BLTP1: variants seen among roughly 807,000 people sequenced by gnomAD.
BLTP1 encodes the protein fragile site-associated protein.
the BLTP1 span, chr4:122,251,170 G>A: frequency 1.1e-6 from 1 of 930,304 alleles, no homozygotes; most frequent in African/African-American, 1.8e-5. Context: ...CCTGTAATAG[G>A]AGTATGGTCA....
chr4:122,315,858 G>T, the BLTP1 span, among the ~76,000 whole-genome samples: 1 of 152,130 alleles, frequency 6.6e-6, no homozygotes, highest in Admixed American at 6.6e-5. Flanking sequence ...ATCGAGTTCT[G>T]TGCTACATGT....
the BLTP1 span, chr4:122,208,572 A>T: frequency 1.8e-5 from 17 of 961,024 alleles, no homozygotes; most frequent in Non-Finnish European, 2.1e-5. Flanking sequence ...GAGCTTATAA[A>T]AGTTTTTTTA....
At chr4:122,209,981 A>C in the BLTP1 span, 24 of 1,570,092 alleles carry the variant, frequency 1.5e-5, no homozygotes, top group Non-Finnish European at 1.9e-5. Flanking sequence ...ATTGATAATC[A>C]TGAAAAATAA....
the BLTP1 span, chr4:122,281,764 T>C: frequency 6.5e-7 from 1 of 1,545,788 alleles, no homozygotes; most frequent in Non-Finnish European, 8.7e-7. Context: ...TGAGAAGTCA[T>C]GGAATGACAG....
chr4:122,233,607 C>T, the BLTP1 span, among the ~76,000 whole-genome samples: 2 of 152,062 alleles, frequency 1.3e-5, no homozygotes, highest in Admixed American at 6.5e-5. Flanking sequence ...GGATAACATC[C>T]GACCAGTGCA....
the BLTP1 span, among the ~76,000 whole-genome samples, chr4:122,322,021 T>C: frequency 7.1e-6 from 1 of 141,420 alleles, no homozygotes; most frequent in South Asian, 2.4e-4. Flanking sequence ...TTTTTGGCAT[T>C]TATCCTGCTT....
At chr4:122,244,948 G>T in the BLTP1 span, 427 of 1,539,146 alleles carry the variant, frequency 2.8e-4, 5 homozygotes, top group South Asian at 4.6e-3. Flanking sequence ...TACGTTTCAT[G>T]ATATGTTTAC....
At chr4:122,168,357 T>C in the BLTP1 span, among the ~76,000 whole-genome samples, 1 of 152,340 alleles carries the variant, frequency 6.6e-6, no homozygotes, top group African/African-American at 2.4e-5. Flanking sequence ...GAAACAGATT[T>C]CCTTTTTATG....
the BLTP1 span, chr4:122,277,112 G>A: frequency 3.1e-6 from 3 of 975,968 alleles, no homozygotes; most frequent in East Asian, 1.1e-4. Flanking sequence ...CAAGGTGGGA[G>A]GATTGCTTGA....
chr4:122,295,509 G>T, the BLTP1 span, among the ~76,000 whole-genome samples: 2 of 152,034 alleles, frequency 1.3e-5, no homozygotes, highest in Non-Finnish European at 2.9e-5. Flanking sequence ...CATCTGGCCA[G>T]ATGTACAAAG....
chr4:122,274,413 T>G, the BLTP1 span: 3 of 1,606,038 alleles, frequency 1.9e-6, no homozygotes, highest in South Asian at 3.4e-5. Flanking sequence ...TTGTGCTGCT[T>G]GAAGGGATTA....
the BLTP1 span, chr4:122,277,540 C>A: frequency 1.1e-6 from 1 of 947,448 alleles, no homozygotes; most frequent in Non-Finnish European, 1.3e-6. Context: ...AGGAACTGTT[C>A]TAGGCATTGG....
chr4:122,216,790 TG>T, the BLTP1 span, among the ~76,000 whole-genome samples: 24 of 152,328 alleles, frequency 1.6e-4, no homozygotes, highest in South Asian at 6.2e-4. Context: ...TATTTGTTTT[TG>T]TTTTCGTTGC....
chr4:122,300,044 C>A, the BLTP1 span: 1 of 656,026 alleles, frequency 1.5e-6, no homozygotes, highest in Non-Finnish European at 1.9e-6. Flanking sequence ...CAGTCTCTGT[C>A]ATCCAGGCTG....
the BLTP1 span, chr4:122,307,537 TC>T: frequency 4.6e-5 from 45 of 985,112 alleles, no homozygotes; most frequent in Non-Finnish European, 5.2e-5. Context: ...TCTCTGTAAA[TC>T]AGATCCTTTT....
chr4:122,237,611 A>G, the BLTP1 span: 1 of 722,302 alleles, frequency 1.4e-6, no homozygotes, highest in East Asian at 1.3e-4. Flanking sequence ...AAAGATTTAA[A>G]AAGAAGAAAA....
chr4:122,264,956 G>T, the BLTP1 span, among the ~76,000 whole-genome samples: 1 of 152,116 alleles, frequency 6.6e-6, no homozygotes, highest in Admixed American at 6.6e-5. Context: ...ATGAGGATAT[G>T]GTGAAAGTCT....
the BLTP1 span, chr4:122,209,709 A>C: frequency 7.3e-7 from 1 of 1,378,764 alleles, no homozygotes; most frequent in South Asian, 1.4e-5. Flanking sequence ...ATGTGGAGAA[A>C]TTCTTCTTTC....
the BLTP1 span, chr4:122,298,526 A>G: frequency 3.1e-6 from 1 of 319,748 alleles, no homozygotes; most frequent in Non-Finnish European, 4.5e-6. Context: ...CTTAGAAAAT[A>G]TAAAAGAAGA....
Sources: gnomAD v4.1 joint callset for allele counts (sites outside exome capture counted in the v4.1 genomes callset) on GRCh38, gnomAD v4.1.1 for gene constraint, MANE v1.5 for transcripts, NCBI Gene and HGNC (gene_info 2026-07-23, HGNC 2026-07-21) for gene names.